The following KHDRBS2 variants were observed in gnomAD, a reference collection of about 807,000 sequenced individuals.
KHDRBS2 encodes KH domain-containing, RNA-binding, signal transduction-associated protein 2.
In KHDRBS2, 26 loss-of-function variants were observed where a neutral mutation model predicts 44.3. The observed-to-expected ratio is 0.59, with a 90% confidence interval of 0.43 to 0.81. The LOEUF (loss-of-function observed/expected upper bound fraction) is 0.81. KHDRBS2 is among the 40% of genes least tolerant of loss of function. The pLI, the probability that KHDRBS2 is intolerant of heterozygous loss-of-function variation, is 0.00. For synonymous variants in KHDRBS2, 194 were observed against 151.1 expected (o/e 1.28, Z -2.08); for missense variants, 476 against 433.1 (o/e 1.10, Z -0.88).
intron 1 of KHDRBS2, among the ~76,000 whole-genome samples, chr6:62,212,245 CACAA>C (rs1474179411): frequency 6.6e-6 from 1 of 151,774 alleles, no homozygotes; most frequent in Non-Finnish European, 1.5e-5. Flanking sequence ...ATATGTAAAA[CACAA>C]ACTAAAAAGT....
At chr6:61,993,260 T>C (rs1484515700) in intron 3 of KHDRBS2, among the ~76,000 whole-genome samples, 2 of 152,086 alleles carry the variant, frequency 1.3e-5, no homozygotes, top group Non-Finnish European at 1.5e-5. Flanking sequence ...TTTTCCCTAC[T>C]AGCCATGACA....
chr6:62,139,028 A>AAATGGGTAGTGCTGAAAACAAATTGCT (rs1437842746), intron 2 of KHDRBS2, among the ~76,000 whole-genome samples: 6 of 152,170 alleles, frequency 3.9e-5, no homozygotes, highest in African/African-American at 1.4e-4. Flanking sequence ...TTTTATCATG[A>AAATGGGTAGTGCTGAAAACAAATTGCT]AATGGGTAGT....
chr6:62,160,645 T>C (rs1562974992), intron 2 of KHDRBS2, among the ~76,000 whole-genome samples: 1 of 152,022 alleles, frequency 6.6e-6, no homozygotes, highest in Non-Finnish European at 1.5e-5. Context: ...GTAAAGATAC[T>C]TGTATAGGAG....
rs1027437196 is a variant in KHDRBS2 at position 62,105,510 on chromosome 6, G to T, written c.220-57516C>A. On this transcript the variant is annotated intron_variant, in intron 2 of 8. Transcript: ENST00000281156. ...TTCTTCCTGGTTTAGTCTTGGGAGG[G>T]TGTATGTGTCGAGGAATTTATCCAT... is the stretch of plus-strand genomic sequence containing the variant. 3.9e-5 allele frequency among the ~76,000 whole-genome samples: 6 copies of T among 152,110 alleles called. 1 individual carries two copies. The South Asian group carries it at 8.3e-4, about 21-fold the overall frequency.
chr6:62,176,623 C>G (rs1353478573), intron 2 of KHDRBS2, among the ~76,000 whole-genome samples: 2 of 151,092 alleles, frequency 1.3e-5, no homozygotes, highest in Non-Finnish European at 3.0e-5. Context: ...TGAATGCTAT[C>G]TTTTATAATC....
At chr6:61,733,558 T>G (rs1187362235) in intron 6 of KHDRBS2, among the ~76,000 whole-genome samples, 1 of 151,488 alleles carries the variant, frequency 6.6e-6, no homozygotes, top group African/African-American at 2.4e-5. Flanking sequence ...ATTGTGCCAT[T>G]GCACTCCAGC....
intron 2 of KHDRBS2, among the ~76,000 whole-genome samples, chr6:62,081,801 A>G (rs1458718787): frequency 6.6e-6 from 1 of 151,976 alleles, no homozygotes; most frequent in African/African-American, 2.4e-5. Context: ...TATTGTTAAA[A>G]TTTTTTAGAT....
intron 6 of KHDRBS2, chr6:61,816,677 C>T (rs2127244743): frequency 2.3e-6 from 1 of 432,406 alleles, no homozygotes; most frequent in East Asian, 7.2e-5. Context: ...TTTTGAAAAT[C>T]CAGTTTTGCA....
At chr6:61,846,774 C>T (rs1432881864) in intron 6 of KHDRBS2, among the ~76,000 whole-genome samples, 1 of 113,822 alleles carries the variant, frequency 8.8e-6, no homozygotes, top group Non-Finnish European at 1.8e-5. Flanking sequence ...TGATATAGCC[C>T]TTGTAAGTAC....
At chr6:61,924,663 A>C (rs921140072) in intron 4 of KHDRBS2, among the ~76,000 whole-genome samples, 4 of 151,816 alleles carry the variant, frequency 2.6e-5, no homozygotes, top group African/African-American at 4.8e-5. Context: ...TATTTATATA[A>C]TCTGCAATTC....
chr6:61,720,102 A>G (rs538904676), intron 7 of KHDRBS2, among the ~76,000 whole-genome samples: 1 of 152,344 alleles, frequency 6.6e-6, no homozygotes, highest in African/African-American at 2.4e-5. Context: ...TACAAAGGAC[A>G]TGAACTCATC....
intron 2 of KHDRBS2, among the ~76,000 whole-genome samples, chr6:62,075,758 G>A (rs1482213315): frequency 6.6e-6 from 1 of 151,634 alleles, no homozygotes; most frequent in Non-Finnish European, 1.5e-5. Flanking sequence ...GGCATATTAT[G>A]AAAATCTTAA....
At chr6:62,071,022 G>C (rs1475493917) in intron 2 of KHDRBS2, among the ~76,000 whole-genome samples, 3 of 152,124 alleles carry the variant, frequency 2.0e-5, no homozygotes, top group African/African-American at 4.8e-5. Flanking sequence ...AATTTTTAAT[G>C]ATCGCCATTT....
chr6:61,880,927 G>T (rs1311766438), intron 6 of KHDRBS2, among the ~76,000 whole-genome samples: 1 of 151,858 alleles, frequency 6.6e-6, no homozygotes, highest in Admixed American at 6.6e-5. Flanking sequence ...TGTTTATGCT[G>T]CTGACAAACA....
chr6:61,647,293 G>A, the KHDRBS2 span, among the ~76,000 whole-genome samples: 55 of 152,110 alleles, frequency 3.6e-4, no homozygotes, highest in African/African-American at 1.3e-3. Flanking sequence ...TAGTGTGTGA[G>A]GGTTTTCATA....
chr6:61,587,730 T>G, the KHDRBS2 span, among the ~76,000 whole-genome samples: 1 of 152,178 alleles, frequency 6.6e-6, no homozygotes. Context: ...ACTTTCAGAA[T>G]GTCGTTGGTT....
chr6:61,617,266 G>C, the KHDRBS2 span, among the ~76,000 whole-genome samples: 1 of 152,136 alleles, frequency 6.6e-6, no homozygotes, highest in African/African-American at 2.4e-5. Context: ...AGAATTTAAA[G>C]ACTGATTCAT....
chr6:61,840,196 T>C (rs896726873), intron 6 of KHDRBS2, among the ~76,000 whole-genome samples: 10 of 152,084 alleles, frequency 6.6e-5, no homozygotes, highest in African/African-American at 2.4e-4. Flanking sequence ...ATATTAAAAT[T>C]GCATGCATTA....
the KHDRBS2 span, among the ~76,000 whole-genome samples, chr6:61,586,724 T>C: frequency 6.6e-6 from 1 of 151,940 alleles, no homozygotes; most frequent in Non-Finnish European, 1.5e-5. Context: ...AAAGAAAATA[T>C]ATATGCAAAA....
Sources: allele counts gnomAD v4.1 joint callset (sites outside exome capture counted in the v4.1 genomes callset), GRCh38; gene constraint gnomAD v4.1.1; transcripts MANE v1.5; gene names NCBI Gene and HGNC (gene_info 2026-07-23, HGNC 2026-07-21).